The following SH3D19 variants were observed in gnomAD, a reference collection of about 807,000 sequenced individuals.
SH3D19 encodes the protein SH3 domain-containing protein 19.
In SH3D19, 58 loss-of-function variants were observed where a neutral mutation model predicts 112.1. The ratio of observed to expected loss-of-function variants is 0.52; its 90% CI spans 0.42 to 0.64. The LOEUF (loss-of-function observed/expected upper bound fraction) is 0.64. SH3D19 is among the 30% of genes least tolerant of loss of function. The pLI is 0.00. For missense variants in SH3D19, 1,090 were observed against 1,263.4 expected (o/e 0.86, Z 2.08); for synonymous variants, 391 against 448.5 (o/e 0.87, Z 1.62).
chr4:151,205,616 G>A (rs1161035689), intron 2 of SH3D19, among the ~76,000 whole-genome samples: 3 of 152,082 alleles, frequency 2.0e-5, no homozygotes, highest in Non-Finnish European at 4.4e-5. Flanking sequence ...TTTAAAATAT[G>A]AAACTTAAAA....
chr4:151,272,746 A>G (rs1773309612), intron 1 of SH3D19, among the ~76,000 whole-genome samples: 1 of 149,282 alleles, frequency 6.7e-6, no homozygotes, highest in African/African-American at 2.5e-5. Flanking sequence ...AGCTTTAGAG[A>G]TTCAGGTTTC....
intron 1 of SH3D19, among the ~76,000 whole-genome samples, chr4:151,267,181 AT>A (rs11332441): frequency 0.31 from 43,534 of 142,392 alleles, 7,972 homozygotes; most frequent in Non-Finnish European, 0.42. Flanking sequence ...AATAAATAAA[AT>A]AAATTAGTCT....
At chr4:151,279,705 A>G in intron 1 of SH3D19, 1 of 1,275,774 alleles carries the variant, frequency 7.8e-7, no homozygotes, top group Non-Finnish European at 1.1e-6. Flanking sequence ...AGGTCCTAGG[A>G]ATAGATGGGA....
At chr4:151,237,684 A>G (rs1770232995) in intron 1 of SH3D19, among the ~76,000 whole-genome samples, 1 of 152,222 alleles carries the variant, frequency 6.6e-6, no homozygotes, top group African/African-American at 2.4e-5. Flanking sequence ...CACAAAGGGT[A>G]GTATATTTGC....
chr4:151,237,361 G>A (rs1443638341), intron 1 of SH3D19, among the ~76,000 whole-genome samples: 1 of 152,016 alleles, frequency 6.6e-6, no homozygotes, highest in Admixed American at 6.6e-5. Flanking sequence ...CATTGCTTAG[G>A]TTAATTTGTA....
chr4:151,173,682 G>A (rs1376975323), intron 7 of SH3D19, among the ~76,000 whole-genome samples: 1 of 152,164 alleles, frequency 6.6e-6, no homozygotes, highest in Non-Finnish European at 1.5e-5. Flanking sequence ...AATGTTCTGT[G>A]CATGATGAAT....
intron 11 of SH3D19, 52 bp from the exon 12 acceptor site, chr4:151,144,102 A>G (rs756670183): frequency 1.5e-5 from 24 of 1,590,426 alleles, no homozygotes; most frequent in Non-Finnish European, 2.1e-5. Flanking sequence ...ATAAAACATT[A>G]TTACTTTTTC....
chr4:151,291,048 C>T (rs1775282307), intron 1 of SH3D19: 3 of 1,221,802 alleles, frequency 2.5e-6, no homozygotes, highest in Non-Finnish European at 3.4e-6. Flanking sequence ...AAGAATTCTC[C>T]ACCCCTTATT....
chr4:151,307,724 G>T (rs958915249), intron 1 of SH3D19, among the ~76,000 whole-genome samples: 1 of 152,186 alleles, frequency 6.6e-6, no homozygotes, highest in African/African-American at 2.4e-5. Flanking sequence ...CATCTAAAGC[G>T]CTCAGGACTA....
At chr4:151,233,088 T>C (rs1365168414) in intron 1 of SH3D19, among the ~76,000 whole-genome samples, 5 of 151,920 alleles carry the variant, frequency 3.3e-5, no homozygotes, top group African/African-American at 2.4e-5. Context: ...GAACCGCACA[T>C]GGGAGGGATC....
At chr4:151,275,090 C>T (rs974019584) in intron 1 of SH3D19, among the ~76,000 whole-genome samples, 10 of 128,018 alleles carry the variant, frequency 7.8e-5, no homozygotes, top group Non-Finnish European at 1.4e-4. Flanking sequence ...CTTCAAGATA[C>T]GTTTTTTTTT....
At chr4:151,185,098 T>C (rs114300806) in intron 3 of SH3D19, among the ~76,000 whole-genome samples, 276 of 142,148 alleles carry the variant, frequency 1.9e-3, no homozygotes, top group African/African-American at 6.7e-3. Flanking sequence ...AAGCTTTTAT[T>C]GCCCATGTCT....
intron 1 of SH3D19, among the ~76,000 whole-genome samples, chr4:151,238,455 G>A (rs1254308032): frequency 6.6e-6 from 1 of 152,050 alleles, no homozygotes; most frequent in Non-Finnish European, 1.5e-5. Context: ...TTTCTTTAAA[G>A]GGCAAAAGGC....
chr4:151,303,681 CA>C (rs1728664722), intron 1 of SH3D19, among the ~76,000 whole-genome samples: 1 of 152,058 alleles, frequency 6.6e-6, no homozygotes, highest in South Asian at 2.1e-4. Flanking sequence ...ACTTTAACAA[CA>C]AAGAGGAATA....
chr4:151,148,358 C>T (rs751045723), intron 10 of SH3D19, among the ~76,000 whole-genome samples, 172 bp from the exon 11 acceptor site: 5 of 151,860 alleles, frequency 3.3e-5, no homozygotes, highest in African/African-American at 2.4e-5. Context: ...TTTGAGCAAA[C>T]GACTGCTGCA....
intron 2 of SH3D19, among the ~76,000 whole-genome samples, chr4:151,197,029 A>G (rs72723759): frequency 2.6e-3 from 403 of 152,294 alleles, no homozygotes; most frequent in Non-Finnish European, 4.0e-3. Flanking sequence ...AAAAGGGAAC[A>G]CTTTGACACT....
At chr4:151,262,418 G>A (rs17590612) in intron 1 of SH3D19, 54,486 of 152,108 alleles carry the variant, frequency 0.36, 10,857 homozygotes, top group Non-Finnish European at 0.44. Context: ...GCACGGAGTT[G>A]AGCTCATCAT....
At chr4:151,303,000 A>G (rs764697077) in intron 1 of SH3D19, among the ~76,000 whole-genome samples, 3 of 152,224 alleles carry the variant, frequency 2.0e-5, no homozygotes, top group Non-Finnish European at 4.4e-5. Context: ...CATGTACCCC[A>G]GAACTTAAAG....
intron 1 of SH3D19, among the ~76,000 whole-genome samples, chr4:151,286,852 T>A (rs913086139): frequency 1.3e-5 from 2 of 151,718 alleles, no homozygotes; most frequent in Non-Finnish European, 2.9e-5. Flanking sequence ...TGGTGGCATG[T>A]GCCTGTATTC....
Sources: gnomAD v4.1 joint callset for allele counts (sites outside exome capture counted in the v4.1 genomes callset) on GRCh38, gnomAD v4.1.1 for gene constraint, MANE v1.5 for transcripts, NCBI Gene and HGNC (gene_info 2026-07-23, HGNC 2026-07-21) for gene names.